PHLDB2: variants seen among roughly 807,000 people sequenced by gnomAD.
PHLDB2 encodes the protein pleckstrin homology-like domain family B member 2.
In PHLDB2, 71 loss-of-function variants were observed where a neutral mutation model predicts 123.6. The ratio of observed to expected loss-of-function variants is 0.57; its 90% CI spans 0.47 to 0.70. The LOEUF (loss-of-function observed/expected upper bound fraction) is 0.70. Ranked by LOEUF, PHLDB2 falls within the 30% of genes least tolerant of loss-of-function variation. The pLI is 0.00. For missense variants in PHLDB2, 1,446 were observed against 1,519.5 expected, an observed-to-expected ratio of 0.95 and a Z score of 0.80; for synonymous variants, 547 against 541.6, an observed-to-expected ratio of 1.01 and a Z score of -0.14.
At chr3:111,902,272 A>T (rs2067246634) in intron 2 of PHLDB2, among the ~76,000 whole-genome samples, 1 of 152,218 alleles carries the variant, frequency 6.6e-6, no homozygotes, top group Admixed American at 6.5e-5. Flanking sequence ...AAGTTATATT[A>T]CTTAAGAATG....
At chr3:111,839,416 C>T (rs1316105371) in intron 1 of PHLDB2, among the ~76,000 whole-genome samples, 3 of 152,098 alleles carry the variant, frequency 2.0e-5, no homozygotes, top group African/African-American at 4.8e-5. Context: ...AACAGTGATG[C>T]GCTCTCTGTT....
intron 13 of PHLDB2, 68 bp from the exon 14 acceptor site, chr3:111,966,545 T>C: frequency 3.3e-6 from 3 of 922,348 alleles, no homozygotes; most frequent in Non-Finnish European, 5.2e-6. Context: ...TGTGTGTGTG[T>C]GTGTATGTAT....
intron 1 of PHLDB2, among the ~76,000 whole-genome samples, chr3:111,806,569 C>G (rs189104459): frequency 9.0e-4 from 137 of 151,782 alleles, no homozygotes; most frequent in African/African-American, 2.5e-3. Context: ...ACTGCAACCT[C>G]TGCTTCCCGG....
chr3:111,946,029 TTATATA>T (rs1188945476), intron 9 of PHLDB2, among the ~76,000 whole-genome samples: 2 of 150,448 alleles, frequency 1.3e-5, no homozygotes, highest in African/African-American at 4.9e-5. Flanking sequence ...AAAAAATAGT[TTATATA>T]TATATATATT....
chr3:111,967,741 G>A lies in PHLDB2; in HGVS notation c.3232G>A (p.Glu1078Lys). 1.2e-6 allele frequency: 2 copies of A among 1,612,860 alleles called. No homozygotes were observed. Among genetic ancestry groups the A allele is most frequent in the Non-Finnish European group, 1.7e-6 (2 of 1,179,590 alleles). ...EEEKRRREIL[E>K]KRLQEETSQR... Reference sequence around the variant, plus strand: ...AGAAAAACGACGCCGGGAAATCCTGGAAAAACGATTACAGGAAGAAACTAG... The same window carrying A: ...AGAAAAACGACGCCGGGAAATCCTGAAAAAACGATTACAGGAAGAAACTAG... Residue 1078 changes from glutamate to lysine, a missense_variant, in exon 15 of 18, where the codon GAA becomes AAA. Coordinates refer to ENST00000431670, the MANE Select transcript of PHLDB2 (RefSeq NM_001134438.2).
chr3:111,892,862 G>A (rs1277581937), intron 2 of PHLDB2, among the ~76,000 whole-genome samples: 1 of 152,090 alleles, frequency 6.6e-6, no homozygotes, highest in Non-Finnish European at 1.5e-5. Flanking sequence ...AGGATTTTTG[G>A]TATTTTATAA....
chr3:111,943,710 A>G (rs2070075063), intron 8 of PHLDB2, among the ~76,000 whole-genome samples: 1 of 152,218 alleles, frequency 6.6e-6, no homozygotes, highest in African/African-American at 2.4e-5. Context: ...CTCATAAACT[A>G]AAATGACTAA....
At chr3:111,781,813 G>A (rs568687213) in intron 1 of PHLDB2, among the ~76,000 whole-genome samples, 154 of 152,166 alleles carry the variant, frequency 1.0e-3, no homozygotes, top group East Asian at 1.7e-3. Flanking sequence ...TTTTAATCTA[G>A]AAAAGAATCC....
chr3:111,918,982 G>A (rs2107525417), intron 3 of PHLDB2, 90 bp from the exon 4 acceptor site: 1 of 1,344,350 alleles, frequency 7.4e-7, no homozygotes, highest in Non-Finnish European at 1.1e-6. Context: ...GAGACTGTGA[G>A]ACCCTAGACC....
chr3:111,906,150 C>T (rs2067521553), intron 2 of PHLDB2, among the ~76,000 whole-genome samples: 1 of 152,178 alleles, frequency 6.6e-6, no homozygotes, highest in Non-Finnish European at 1.5e-5. Flanking sequence ...GCGCAATAAA[C>T]TATTACAATA....
chr3:111,950,276 T>C (rs1036392588), intron 10 of PHLDB2, among the ~76,000 whole-genome samples: 2 of 152,214 alleles, frequency 1.3e-5, no homozygotes, highest in Non-Finnish European at 2.9e-5. Context: ...GTTGAAACCA[T>C]AATAGACATC....
At chr3:111,891,075 G>A (rs966744212) in intron 2 of PHLDB2, among the ~76,000 whole-genome samples, 1 of 152,102 alleles carries the variant, frequency 6.6e-6, no homozygotes, top group Non-Finnish European at 1.5e-5. Context: ...GGACTGGTTG[G>A]TGGTCATTTT....
At position 111,913,441 on chromosome 3, in the gene PHLDB2, G is replaced by T; in HGVS notation, c.1458G>T (p.Leu486=). ...AAATCAACAAGGAGCTTGAGAAGCT[G>T]CAGCTCTCTGATGAGGAGTCTGTGT... The part of the protein sequence containing the change: ...VQKINKELEK[L]QLSDEESVFE... The change falls in exon 3 of 18, where the codon CTG becomes CTT. Residue 486 remains leucine (L), a synonymous_variant. Coordinates refer to ENST00000431670, the MANE Select transcript of PHLDB2 (RefSeq NM_001134438.2). 3 of 1,614,174 alleles carry T rather than the reference G, an allele frequency of 1.9e-6. No individual in the cohort carries two copies. The highest frequency in any genetic ancestry group is 2.5e-6 in the Non-Finnish European group (3 of 1,180,026).
chr3:111,798,224 C>T (rs1162298325), intron 1 of PHLDB2, among the ~76,000 whole-genome samples: 1 of 151,962 alleles, frequency 6.6e-6, no homozygotes, highest in African/African-American at 2.4e-5. Flanking sequence ...ATAATTTACT[C>T]CCAAATTTTC....
rs575726550 is a variant in PHLDB2, at chr3:111,973,547, C to A, written c.3536-185C>A. 2.0e-4 allele frequency among the ~76,000 whole-genome samples: 30 copies of A among 152,206 alleles called. 1 individual carries two copies. Among genetic ancestry groups the A allele is most frequent in the Admixed American group, 1.6e-3 (24 of 15,272 alleles). On this transcript the variant is annotated intron_variant, in intron 16 of 17. Transcript: ENST00000431670. ...CGGTTTGCAGCTAGTAATTTTATGG[C>A]TTTTCTTTTTTTATTTTTCCAGTAT...
Position 111,940,585 on chromosome 3 carries a change from T to C in PHLDB2, c.2337T>C (p.Ala779=), listed in dbSNP as rs1472683083. The C allele has an allele frequency of 1.9e-6, 3 of 1,605,482 alleles. No homozygotes were observed. The highest frequency in any genetic ancestry group is 2.6e-6 in the Non-Finnish European group (3 of 1,176,440). The change falls in exon 8 of 18, where the codon GCT becomes GCC. Residue 779 remains alanine, a synonymous_variant. Transcript: ENST00000431670. ...KKQANHIVQQ[A]QREQDHFVKE... is the part of the protein sequence containing the mutation. Reference sequence around the variant, plus strand: ...AAGCCAATCACATTGTTCAGCAGGCTCAGAGAGAGCAAGATCATTTTGTGA... The same window carrying C: ...AAGCCAATCACATTGTTCAGCAGGCCCAGAGAGAGCAAGATCATTTTGTGA...
At chr3:111,855,511 C>CCTTT (rs59763316), upstream of PHLDB2, among the ~76,000 whole-genome samples, 147,267 of 149,976 alleles carry the variant, frequency 0.98, 72,350 homozygotes, top group Middle Eastern at 1. Flanking sequence ...TCTTTTCTTT[C>CCTTT]CTTTCTTTCT....
In PHLDB2 at chr3:111,948,978, C is replaced by T. The variant is rs765153030; in HGVS notation, c.2534C>T (p.Thr845Met). 5.0e-6 allele frequency: 8 copies of T among 1,613,840 alleles called. No homozygotes were observed. The highest frequency in any genetic ancestry group is 1.6e-4 in the Middle Eastern group (1 of 6,082). Residue 845 changes from threonine (T) to methionine (M), a missense_variant, in exon 10 of 18, where the codon ACG (threonine) becomes ATG (methionine). Physicochemically the swap from Thr to Met is moderately conservative, Grantham distance 81. Coordinates refer to ENST00000431670, the MANE Select transcript of PHLDB2 (RefSeq NM_001134438.2). ...ATTAATGAGCCGTGTGGCAATTCCA[C>T]GAATCTATCCCCTTCCACTCAGTTT... ...NEINEPCGNS[T>M]NLSPSTQFPA... is the part of the protein sequence containing the mutation.
At chr3:111,882,384 A>T (rs1163820381) in intron 1 of PHLDB2, among the ~76,000 whole-genome samples, 2 of 152,158 alleles carry the variant, frequency 1.3e-5, no homozygotes, top group Non-Finnish European at 2.9e-5. Context: ...GATATTTCTC[A>T]ATCCAGGCTG....
Sources: allele counts gnomAD v4.1 joint callset (sites outside exome capture counted in the v4.1 genomes callset), GRCh38; gene constraint gnomAD v4.1.1; transcripts MANE v1.5; gene names NCBI Gene and HGNC (gene_info 2026-07-23, HGNC 2026-07-21).